The following ABTB3 variants were observed in gnomAD, a reference collection of about 807,000 sequenced individuals.
The protein encoded by ABTB3 is ankyrin repeat and BTB domain containing 3.
At chr12:107,503,432 C>T in the ABTB3 span, among the ~76,000 whole-genome samples, 1 of 151,918 alleles carries the variant, frequency 6.6e-6, no homozygotes, top group Non-Finnish European at 1.5e-5. Flanking sequence ...CCAGGGTCAG[C>T]AAGGCCCCAG....
chr12:107,566,852 C>T, the ABTB3 span, among the ~76,000 whole-genome samples: 1 of 152,152 alleles, frequency 6.6e-6, no homozygotes, highest in Non-Finnish European at 1.5e-5. Context: ...TTCCAGCACA[C>T]CTGTAATTCC....
the ABTB3 span, among the ~76,000 whole-genome samples, chr12:107,343,363 C>G: frequency 1.1e-4 from 17 of 152,288 alleles, no homozygotes; most frequent in Admixed American, 5.9e-4. Flanking sequence ...AATGAAGATG[C>G]CTCTTGGTCA....
chr12:107,478,925 C>T, the ABTB3 span, among the ~76,000 whole-genome samples: 1 of 152,104 alleles, frequency 6.6e-6, no homozygotes, highest in African/African-American at 2.4e-5. Context: ...TCTGCCCGAA[C>T]CTTCAGAACT....
the ABTB3 span, among the ~76,000 whole-genome samples, chr12:107,432,947 T>C: frequency 2.0e-5 from 3 of 152,104 alleles, no homozygotes; most frequent in African/African-American, 7.2e-5. Context: ...CACACACCTA[T>C]TTGCCTGCTT....
the ABTB3 span, chr12:107,320,547 G>A: frequency 6.6e-6 from 3 of 456,022 alleles, no homozygotes; most frequent in Admixed American, 2.3e-5. Context: ...CACTCCCTCG[G>A]GGGGCACGCA....
chr12:107,549,015 C>T, the ABTB3 span, among the ~76,000 whole-genome samples: 1 of 152,186 alleles, frequency 6.6e-6, no homozygotes, highest in Non-Finnish European at 1.5e-5. Flanking sequence ...TGCCCTCTTC[C>T]AGTCTCACTG....
At chr12:107,371,246 C>T in the ABTB3 span, among the ~76,000 whole-genome samples, 6 of 152,186 alleles carry the variant, frequency 3.9e-5, no homozygotes, top group Non-Finnish European at 8.8e-5. Flanking sequence ...TAGGTTGCTT[C>T]TGCCAGGCTG....
chr12:107,387,445 T>C, the ABTB3 span, among the ~76,000 whole-genome samples: 1 of 152,226 alleles, frequency 6.6e-6, no homozygotes, highest in Non-Finnish European at 1.5e-5. Context: ...TGTCAAGTGC[T>C]GGGCTAGGTG....
the ABTB3 span, among the ~76,000 whole-genome samples, chr12:107,561,935 C>T: frequency 5.9e-5 from 9 of 152,326 alleles, no homozygotes; most frequent in African/African-American, 1.7e-4. Context: ...CTCCCTTCAA[C>T]TGTGGCTGAT....
chr12:107,419,922 A>T, the ABTB3 span, among the ~76,000 whole-genome samples: 60 of 152,306 alleles, frequency 3.9e-4, no homozygotes, highest in Middle Eastern at 3.4e-3. Flanking sequence ...GTGACCTGGG[A>T]AAGCCCAGGC....
the ABTB3 span, among the ~76,000 whole-genome samples, chr12:107,370,829 G>C: frequency 7.9e-6 from 1 of 126,792 alleles, no homozygotes; most frequent in African/African-American, 3.0e-5. Context: ...TTGTGGCTCT[G>C]TGCTGATACC....
At chr12:107,411,440 T>C in the ABTB3 span, among the ~76,000 whole-genome samples, 2 of 152,248 alleles carry the variant, frequency 1.3e-5, no homozygotes, top group African/African-American at 4.8e-5. Flanking sequence ...GTGAATCAAA[T>C]GCTGAAATTT....
At chr12:107,567,691 G>A in the ABTB3 span, among the ~76,000 whole-genome samples, 2 of 152,126 alleles carry the variant, frequency 1.3e-5, no homozygotes, top group African/African-American at 2.4e-5. Flanking sequence ...ACATTACTCC[G>A]CCTCCTGTCA....
the ABTB3 span, among the ~76,000 whole-genome samples, chr12:107,447,927 C>T: frequency 6.6e-6 from 1 of 152,202 alleles, no homozygotes; most frequent in African/African-American, 2.4e-5. Flanking sequence ...GTCCCAGGAG[C>T]CCTTGCGGCT....
chr12:107,611,748 A>G, the ABTB3 span, among the ~76,000 whole-genome samples: 1 of 152,028 alleles, frequency 6.6e-6, no homozygotes. Flanking sequence ...TTCCTTTTAC[A>G]CACCCTCCAG....
chr12:107,640,371 C>A, the ABTB3 span: 106 of 1,598,090 alleles, frequency 6.6e-5, no homozygotes, highest in Middle Eastern at 1.7e-4. Flanking sequence ...GAAGGAAGAC[C>A]ATTTTATGCT....
At chr12:107,564,314 G>A in the ABTB3 span, among the ~76,000 whole-genome samples, 3 of 152,106 alleles carry the variant, frequency 2.0e-5, no homozygotes, top group Non-Finnish European at 2.9e-5. Context: ...AGAGAGCCAA[G>A]ACTCACTCAT....
chr12:107,517,903 T>C, the ABTB3 span, among the ~76,000 whole-genome samples: 9 of 152,138 alleles, frequency 5.9e-5, no homozygotes, highest in Non-Finnish European at 1.0e-4. Context: ...ACAAAGAACA[T>C]GAACAAATTT....
At chr12:107,516,720 G>A in the ABTB3 span, among the ~76,000 whole-genome samples, 1 of 152,180 alleles carries the variant, frequency 6.6e-6, no homozygotes, top group African/African-American at 2.4e-5. Flanking sequence ...CCTTACAAAG[G>A]TGCCCATCTT....
Sources: gnomAD v4.1 joint callset for allele counts (sites outside exome capture counted in the v4.1 genomes callset) on GRCh38, gnomAD v4.1.1 for gene constraint, MANE v1.5 for transcripts, NCBI Gene and HGNC (gene_info 2026-07-23, HGNC 2026-07-21) for gene names.